The following VIT variants were observed in gnomAD, a reference collection of about 807,000 sequenced individuals.
The protein encoded by VIT is vitrin.
VIT carries 99 observed loss-of-function variants against 78.0 expected under a neutral mutation model. The ratio of observed to expected loss-of-function variants is 1.27; its 90% CI spans 1.08 to 1.50. VIT has a LOEUF of 1.50. VIT is among the 40% of genes most tolerant of loss of function. VIT has a pLI of 0.00. For missense variants in VIT, 1,126 were observed against 875.3 expected, an observed-to-expected ratio of 1.29 and a Z score of -3.61; for synonymous variants, 374 against 334.3, an observed-to-expected ratio of 1.12 and a Z score of -1.29.
chr2:36,744,718 C>A (rs1315024703), intron 4 of VIT, among the ~76,000 whole-genome samples: 1 of 152,024 alleles, frequency 6.6e-6, no homozygotes, highest in Non-Finnish European at 1.5e-5. Context: ...GGATATTAGA[C>A]CTTTGTTGGA....
chr2:36,797,212 A>C (rs1665969472), intron 12 of VIT, among the ~76,000 whole-genome samples: 1 of 152,094 alleles, frequency 6.6e-6, no homozygotes, highest in Non-Finnish European at 1.5e-5. Flanking sequence ...TAAAGTGAAG[A>C]TCACAAAATG....
chr2:36,708,474 G>C (rs942470476), intron 1 of VIT, among the ~76,000 whole-genome samples: 16 of 152,122 alleles, frequency 1.1e-4, no homozygotes, highest in African/African-American at 3.9e-4. Context: ...GCTCAAGTAA[G>C]CCTCTAGGGG....
At chr2:36,729,581 G>A (rs113442427) in intron 3 of VIT, 90 bp downstream of exon 3, 2 of 1,397,752 alleles carry the variant, frequency 1.4e-6, no homozygotes, top group East Asian at 2.3e-5. Flanking sequence ...TTTTGTTTTG[G>A]TTTGGTTTTT....
At chr2:36,798,869 T>C (rs1666107750) in intron 12 of VIT, among the ~76,000 whole-genome samples, 1 of 152,168 alleles carries the variant, frequency 6.6e-6, no homozygotes, top group Admixed American at 6.6e-5. Context: ...TGACTCCTCC[T>C]CCCTGAATTT....
chr2:36,752,158 G>A (rs1668501461), intron 4 of VIT, among the ~76,000 whole-genome samples: 1 of 152,134 alleles, frequency 6.6e-6, no homozygotes, highest in Non-Finnish European at 1.5e-5. Flanking sequence ...TCAAACCAAA[G>A]GGATAATGAA....
intron 12 of VIT, among the ~76,000 whole-genome samples, chr2:36,792,340 A>G (rs1665561391): frequency 6.6e-6 from 1 of 152,194 alleles, no homozygotes; most frequent in African/African-American, 2.4e-5. Context: ...CTCAAGACCA[A>G]GTGAACTGTG....
intron 9 of VIT, among the ~76,000 whole-genome samples, chr2:36,776,036 A>C (rs980419020): frequency 6.6e-6 from 1 of 152,256 alleles, no homozygotes; most frequent in African/African-American, 2.4e-5. Context: ...TATAAAGTAC[A>C]TCTGGTCTAA....
intron 1 of VIT, among the ~76,000 whole-genome samples, chr2:36,698,635 T>C (rs1664820909): frequency 6.6e-6 from 1 of 152,134 alleles, no homozygotes. Context: ...TTTTGAAATG[T>C]CAAAACTTCT....
intron 1 of VIT, among the ~76,000 whole-genome samples, chr2:36,715,302 G>A (rs998934471): frequency 6.6e-6 from 1 of 152,128 alleles, no homozygotes; most frequent in Non-Finnish European, 1.5e-5. Context: ...CACTTTGGGA[G>A]GCCGAGGCAG....
At chr2:36,794,728 G>A (rs36027366) in intron 12 of VIT, among the ~76,000 whole-genome samples, 1 of 152,068 alleles carries the variant, frequency 6.6e-6, no homozygotes, top group Non-Finnish European at 1.5e-5. Context: ...TATAATTTTA[G>A]CAATCAGAAA....
intron 12 of VIT, among the ~76,000 whole-genome samples, chr2:36,789,920 C>CAT (rs1665370220): frequency 6.6e-6 from 1 of 152,224 alleles, no homozygotes; most frequent in African/African-American, 2.4e-5. Flanking sequence ...GAGCTCAGAA[C>CAT]TGCTCCTTCC....
chr2:36,801,255 G>T (rs1163362102), intron 12 of VIT, 46 bp from the exon 13 acceptor site: 2 of 1,490,340 alleles, frequency 1.3e-6, no homozygotes, highest in South Asian at 2.3e-5. Context: ...TCCTCCAAAG[G>T]TATTAACTTT....
chr2:36,794,046 A>G (rs1464249348), intron 12 of VIT, among the ~76,000 whole-genome samples: 1 of 152,204 alleles, frequency 6.6e-6, no homozygotes, highest in African/African-American at 2.4e-5. Context: ...GGAAACACTG[A>G]TGATCCATCC....
chr2:36,801,162 A>G, intron 12 of VIT, 139 bp from the exon 13 acceptor site: 4 of 783,364 alleles, frequency 5.1e-6, no homozygotes, highest in Non-Finnish European at 8.6e-6. Context: ...ACCAGTCCAC[A>G]ATGGGACATT....
At chr2:36,769,576 G>C (rs1290261714) in intron 7 of VIT, among the ~76,000 whole-genome samples, 1 of 152,148 alleles carries the variant, frequency 6.6e-6, no homozygotes, top group African/African-American at 2.4e-5. Context: ...GAAGCGGGGA[G>C]AGCTTTTTAA....
chr2:36,734,808 A>C (rs1385676656), intron 3 of VIT, among the ~76,000 whole-genome samples: 1 of 151,912 alleles, frequency 6.6e-6, no homozygotes, highest in Non-Finnish European at 1.5e-5. Context: ...AGTGCCCCCC[A>C]TGGATGTTAC....
intron 6 of VIT, among the ~76,000 whole-genome samples, chr2:36,766,278 C>G (rs373140532): frequency 6.6e-6 from 1 of 152,166 alleles, no homozygotes; most frequent in Non-Finnish European, 1.5e-5. Context: ...CCTGTCATCC[C>G]AGAGCTTTGG....
chr2:36,769,810 A>G (rs1473794520), intron 7 of VIT, among the ~76,000 whole-genome samples: 1 of 152,096 alleles, frequency 6.6e-6, no homozygotes, highest in Non-Finnish European at 1.5e-5. Flanking sequence ...CCCAAAAGAA[A>G]TCCCGTGCCC....
chr2:36,755,153 T>A, intron 5 of VIT, 99 bp downstream of exon 5: 2 of 1,316,674 alleles, frequency 1.5e-6, no homozygotes, highest in Non-Finnish European at 2.0e-6. Flanking sequence ...CCACCTCATT[T>A]CATAAAAATC....
Sources: gnomAD v4.1 joint callset for allele counts (sites outside exome capture counted in the v4.1 genomes callset) on GRCh38, gnomAD v4.1.1 for gene constraint, MANE v1.5 for transcripts, NCBI Gene and HGNC (gene_info 2026-07-23, HGNC 2026-07-21) for gene names.